Variants in GNG2 observed in about 807,000 individuals in gnomAD.
The protein encoded by GNG2 is guanine nucleotide-binding protein G(I)/G(S)/G(O) subunit gamma-2.
In GNG2, 5 loss-of-function variants were observed where a neutral mutation model predicts 5.5. The observed-to-expected ratio is 0.91, with a 90% confidence interval of 0.48 to 1.92. The LOEUF is 1.92. GNG2 is among the 30% of genes most tolerant of loss of function. The pLI is 0.01. For synonymous variants in GNG2, 28 were observed against 32.0 expected (o/e 0.88, Z 0.42); for missense variants, 55 against 88.4 (o/e 0.62, Z 1.52).
chr14:51,930,813 G>A (rs146313104), intron 2 of GNG2, among the ~76,000 whole-genome samples: 134 of 152,268 alleles, frequency 8.8e-4, no homozygotes, highest in African/African-American at 3.2e-3. Context: ...AAGGTGAAGG[G>A]GGAGCAGGCC....
chr14:51,846,289 C>A (rs1446748681), intron 2 of GNG2, among the ~76,000 whole-genome samples: 1 of 151,970 alleles, frequency 6.6e-6, no homozygotes, highest in Admixed American at 6.6e-5. Context: ...CAATTTTTTT[C>A]ACACACAAGT....
intron 2 of GNG2, among the ~76,000 whole-genome samples, chr14:51,932,224 G>A (rs1305217428): frequency 1.6e-4 from 18 of 113,224 alleles, no homozygotes; most frequent in African/African-American, 6.4e-4. Flanking sequence ...TCCAGCCTGG[G>A]CAACAGAGCA....
chr14:51,862,181 C>A (rs900458311), intron 1 of GNG2, among the ~76,000 whole-genome samples: 2 of 152,000 alleles, frequency 1.3e-5, no homozygotes, highest in Non-Finnish European at 2.9e-5. Flanking sequence ...AGATGGGAAG[C>A]TTTTATAGCT....
chr14:51,942,635 G>A (rs1820462867), intron 2 of GNG2, among the ~76,000 whole-genome samples: 1 of 56,050 alleles, frequency 1.8e-5, no homozygotes, highest in South Asian at 4.8e-4. Context: ...TGTTGCCCAG[G>A]CTGGATTCAA....
intron 2 of GNG2, among the ~76,000 whole-genome samples, chr14:51,842,214 A>G (rs542520763): frequency 1.3e-5 from 2 of 152,374 alleles, no homozygotes; most frequent in East Asian, 3.9e-4. Flanking sequence ...TAGTCTAGAC[A>G]TAGGGATTCA....
chr14:51,933,819 A>C (rs1017297853), intron 2 of GNG2, among the ~76,000 whole-genome samples: 3 of 152,170 alleles, frequency 2.0e-5, no homozygotes, highest in African/African-American at 7.2e-5. Context: ...TTTTATAGTG[A>C]AAGAAGCAGC....
intron 2 of GNG2, among the ~76,000 whole-genome samples, chr14:51,905,892 G>A (rs1566677467): frequency 1.3e-5 from 2 of 152,218 alleles, no homozygotes; most frequent in East Asian, 1.9e-4. Context: ...GGATGTGTTT[G>A]CTTCCACTTA....
chr14:51,962,127 CATGTTTTTAA>C (rs1326505011), intron 3 of GNG2, among the ~76,000 whole-genome samples: 1 of 152,062 alleles, frequency 6.6e-6, no homozygotes, highest in African/African-American at 2.4e-5. Context: ...TTCTTAGAAT[CATGTTTTTAA>C]ATTACAAAAG....
intron 2 of GNG2, among the ~76,000 whole-genome samples, chr14:51,914,761 T>G (rs1886511008): frequency 6.6e-6 from 1 of 152,026 alleles, no homozygotes; most frequent in African/African-American, 2.4e-5. Context: ...ATTTGAAGAG[T>G]TCTTTATGTT....
chr14:51,883,362 T>C (rs1884230133), intron 2 of GNG2, among the ~76,000 whole-genome samples: 2 of 152,236 alleles, frequency 1.3e-5, no homozygotes, highest in South Asian at 2.1e-4. Flanking sequence ...TTTTAAAAAA[T>C]ACTATTTAAA....
At chr14:51,905,190 A>C (rs1163321834) in intron 2 of GNG2, among the ~76,000 whole-genome samples, 2 of 152,162 alleles carry the variant, frequency 1.3e-5, no homozygotes, top group Non-Finnish European at 2.9e-5. Flanking sequence ...GTCCCAAATA[A>C]CTATTTACCT....
chr14:51,901,722 T>C (rs1953859), intron 2 of GNG2, among the ~76,000 whole-genome samples: 1 of 148,884 alleles, frequency 6.7e-6, no homozygotes, highest in Non-Finnish European at 1.5e-5. Context: ...GGTGGCAGTG[T>C]TTTGGAAGTG....
chr14:51,842,789 C>A (rs1269758273), intron 2 of GNG2, among the ~76,000 whole-genome samples: 2 of 152,006 alleles, frequency 1.3e-5, no homozygotes, highest in African/African-American at 4.8e-5. Context: ...CTCAGCCTCA[C>A]CAGTAGCTGG....
At chr14:51,831,641 C>T (rs1881193334) in intron 2 of GNG2, among the ~76,000 whole-genome samples, 1 of 152,214 alleles carries the variant, frequency 6.6e-6, no homozygotes, top group Admixed American at 6.5e-5. Context: ...TAGAAATTAT[C>T]TGGCACTTTT....
rs140832516 is a variant in GNG2, at chr14:51,896,579, G to A, written c.-30+18922G>A. On this transcript the variant is annotated intron_variant, in intron 2 of 3. Coordinates refer to ENST00000556766, the MANE Select transcript of GNG2 (RefSeq NM_053064.5). ...AAGAGCTTTGGGTTTTATTATTGCT[G>A]TAACTAGAAATCACCAAAATATGAA... Among the ~76,000 whole-genome samples the A allele has an allele frequency of 6.2e-3, 949 of 152,294 alleles. 4 individuals are homozygous for A. The highest frequency in any genetic ancestry group is 9.6e-3 in the Non-Finnish European group (651 of 68,010).
intron 2 of GNG2, among the ~76,000 whole-genome samples, chr14:51,933,709 A>G (rs1304991341): frequency 6.6e-6 from 1 of 152,220 alleles, no homozygotes; most frequent in Non-Finnish European, 1.5e-5. Context: ...GTGTTCATTT[A>G]CCACAAGGGA....
chr14:51,871,442 T>TA (rs1442978109), intron 1 of GNG2, among the ~76,000 whole-genome samples: 1 of 152,086 alleles, frequency 6.6e-6, no homozygotes, highest in Non-Finnish European at 1.5e-5. Flanking sequence ...GTGTAGCAGT[T>TA]AAAGGACATT....
At position 51,968,269 on chromosome 14, in the gene GNG2, T is replaced by C. The variant is rs1466412352; in HGVS notation, c.*1582T>C. On this transcript the variant is annotated 3_prime_UTR_variant, in exon 4 of 4. Coordinates refer to ENST00000556766, the MANE Select transcript of GNG2 (RefSeq NM_053064.5). ...ATTTTCAGTCAAAGAGGGCCTCTCT[T>C]ACATCTTGTTTGCTTTCAAATCCCC... 1 of 152,158 alleles carries C rather than the reference T, an allele frequency of 6.6e-6. No homozygotes were observed. The highest frequency in any genetic ancestry group is 2.4e-5 in the African/African-American group (1 of 41,438). The allele number at this position is 152,158 out of a possible 1,614,324, so 9.4% of individuals were successfully genotyped here.
chr14:51,897,002 T>C (rs1162375582), intron 2 of GNG2, among the ~76,000 whole-genome samples: 2 of 152,186 alleles, frequency 1.3e-5, no homozygotes, highest in Non-Finnish European at 2.9e-5. Flanking sequence ...AAAGGAGGAA[T>C]AGTGTTGAAA....
Sources: allele counts gnomAD v4.1 joint callset (sites outside exome capture counted in the v4.1 genomes callset), GRCh38; gene constraint gnomAD v4.1.1; transcripts MANE v1.5; gene names NCBI Gene and HGNC (gene_info 2026-07-23, HGNC 2026-07-21).